The following PARVG variants were observed in gnomAD, a reference collection of about 807,000 sequenced individuals.
The protein encoded by PARVG is parvin gamma.
Under a neutral mutation model 44.4 loss-of-function variants are expected in PARVG, and 36 were observed. The observed-to-expected ratio is 0.81, with a 90% confidence interval of 0.62 to 1.07. PARVG has a LOEUF of 1.07. Among genes scored for constraint, PARVG ranks in the 50% least tolerant of loss-of-function variants. PARVG has a pLI of 0.00. For missense variants in PARVG, 407 were observed against 407.4 expected (o/e 1.00, Z 0.01); for synonymous variants, 170 against 174.1 (o/e 0.98, Z 0.19).
At position 44,183,389 on chromosome 22, in the gene PARVG, G is replaced by A. The variant is rs1018615412; in HGVS notation, c.60G>A (p.Ala20=). 27 of 1,605,998 alleles carry A rather than the reference G, an allele frequency of 1.7e-5. No homozygotes were observed. The highest frequency in any genetic ancestry group is 2.2e-5 in the East Asian group (1 of 44,602). The change falls in exon 3 of 14, where the codon GCG becomes GCA. Residue 20 remains alanine, a synonymous_variant. Transcript: ENST00000444313. ...TCCCCAAGGGGGTGGAGCCCCCAGC[G>A]GAGGAGGAGCTCTCAAAAGGTGTGT... The part of the protein sequence containing the change: ...LQLPKGVEPP[A]EEELSKGGKK...
Position 44,207,107 on chromosome 22 carries a change from C to T in PARVG, c.*681C>T, listed in dbSNP as rs1036943893. 6.6e-6 allele frequency: 1 copy of T among 151,574 alleles called. No homozygotes were observed. Among genetic ancestry groups the T allele is most frequent in the Admixed American group, 6.6e-5 (1 of 15,136 alleles). 9.4% of individuals were successfully genotyped at this position (151,574 alleles called of 1,614,324 possible). A position where few individuals can be genotyped will look rare whatever the true frequency, so the allele number is the denominator to read the frequency against. The stretch of plus-strand genomic sequence containing the variant: ...CTCGGGAGCTGTGGGTTCCCACTCG[C>T]TCCAGTGAGACTTGGCATTTTCTGC... On this transcript the variant is annotated 3_prime_UTR_variant, in exon 14 of 14. Coordinates refer to ENST00000444313, the MANE Select transcript of PARVG (RefSeq NM_022141.7).
intron 9 of PARVG, 164 bp from the exon 10 acceptor site, chr22:44,195,991 G>T: frequency 1.4e-6 from 1 of 696,646 alleles, no homozygotes; most frequent in South Asian, 1.8e-5. Flanking sequence ...GGCCAGGAGA[G>T]CAGTGACTCA....
chr22:44,186,609 G>C (rs774698484), intron 4 of PARVG: 1 of 471,178 alleles, frequency 2.1e-6, no homozygotes, highest in South Asian at 1.5e-5. Context: ...CTGGCACTGG[G>C]GACACCATCT....
In PARVG at chr22:44,204,965, C is replaced by T. The variant is rs892448025; in HGVS notation, c.814-792C>T. Among the ~76,000 whole-genome samples the T allele has an allele frequency of 3.4e-4, 52 of 152,316 alleles. 1 individual carries two copies. Among genetic ancestry groups the T allele is most frequent in the African/African-American group, 6.0e-4 (25 of 41,558 alleles). ...GAGGGCCGGCAGGCTCCTGGGCTCTCACCATATCCTGTAGCAAGGCACAGG... is the reference window on the plus strand; with the variant it reads ...GAGGGCCGGCAGGCTCCTGGGCTCTTACCATATCCTGTAGCAAGGCACAGG... On this transcript the variant is annotated intron_variant, in intron 12 of 13. Coordinates refer to ENST00000444313, the MANE Select transcript of PARVG (RefSeq NM_022141.7).
chr22:44,202,062 T>C (rs1017064135), intron 12 of PARVG, among the ~76,000 whole-genome samples: 2 of 152,232 alleles, frequency 1.3e-5, no homozygotes, highest in Non-Finnish European at 2.9e-5. Flanking sequence ...TGGACGAATG[T>C]GCTAGCAAAT....
At chr22:44,195,949 A>C in intron 9 of PARVG, 1 of 584,888 alleles carries the variant, frequency 1.7e-6, no homozygotes, top group Non-Finnish European at 3.0e-6. Context: ...AGGGAGGCAC[A>C]GAGAGAGACG....
Position 44,196,391 on chromosome 22 carries a change from G to C in PARVG, c.687G>C (p.Leu229=). 1 of 1,614,230 alleles carries C rather than the reference G, an allele frequency of 6.2e-7. No individual in the cohort carries two copies. Among genetic ancestry groups the C allele is most frequent in the Non-Finnish European group, 8.5e-7 (1 of 1,180,048 alleles). The change falls in exon 11 of 14, where the codon CTG becomes CTC. Residue 229 remains leucine, a synonymous_variant. Coordinates refer to ENST00000444313, the MANE Select transcript of PARVG (RefSeq NM_022141.7). The part of the protein sequence containing the change: ...FVNQKLDRLG[L]SVQNLDTQFA... Reference sequence around the variant, plus strand: ...ACCAGAAGCTGGACCGCCTGGGCCTGTCTGTGCAGAATCTGGACACCCAGG... The same window carrying C: ...ACCAGAAGCTGGACCGCCTGGGCCTCTCTGTGCAGAATCTGGACACCCAGG...
intron 12 of PARVG, among the ~76,000 whole-genome samples, chr22:44,199,680 G>C (rs1217205812): frequency 6.6e-6 from 1 of 152,234 alleles, no homozygotes; most frequent in African/African-American, 2.4e-5. Context: ...ATCTCAAGGA[G>C]TCAGGAAGGG....
chr22:44,173,183 C>T (rs1398363972), exon 1 of PARVG: 1 of 1,262,796 alleles, frequency 7.9e-7, no homozygotes, highest in Admixed American at 2.5e-5. Context: ...AGCAGAGTCA[C>T]AGCTGCAGGT....
At chr22:44,205,720 G>A in intron 12 of PARVG, 37 bp from the exon 13 acceptor site, 1 of 1,611,984 alleles carries the variant, frequency 6.2e-7, no homozygotes, top group Non-Finnish European at 8.5e-7. Flanking sequence ...TGGGGCTGCT[G>A]CTTGTGCCCA....
chr22:44,206,207 C>A, intron 13 of PARVG, 110 bp from the exon 14 acceptor site: 1 of 805,162 alleles, frequency 1.2e-6, no homozygotes, highest in Admixed American at 2.4e-5. Flanking sequence ...CAGGGATTCT[C>A]CTGGGATTAG....
rs971242260 is a variant in PARVG at position 44,182,059 on chromosome 22, G to A, written c.-13+142G>A. ...GGGAGTCGGTAAAGTGGGACCTTGA[G>A]TCCCCACGGCCCCTCCGGCTGCCCC... is the stretch of plus-strand genomic sequence containing the variant. On this transcript the variant is annotated intron_variant, in intron 2 of 13. Transcript: ENST00000444313. The surrounding 1 kb of genome is among the most constrained non-coding windows in gnomAD (Gnocchi z 4.6). 2.5e-5 allele frequency: 16 copies of A among 652,578 alleles called. No individual in the cohort carries two copies. In the African/African-American group the frequency reaches 3.0e-4, roughly 12 times the overall value. 40.4% of individuals were successfully genotyped at this position (652,578 alleles called of 1,614,324 possible). A position where few individuals can be genotyped will look rare whatever the true frequency, so the allele number is the denominator to read the frequency against.
intron 12 of PARVG, among the ~76,000 whole-genome samples, chr22:44,202,379 C>T (rs1025478163): frequency 6.6e-6 from 1 of 152,212 alleles, no homozygotes; most frequent in Non-Finnish European, 1.5e-5. Flanking sequence ...GGGCCTGGGG[C>T]TCGGAACCCA....
chr22:44,198,921 TCTACCCATCCATCCATCCAC>T (rs2054657852), intron 12 of PARVG, among the ~76,000 whole-genome samples, 199 bp downstream of exon 12: 1 of 33,808 alleles, frequency 3.0e-5, no homozygotes, highest in Non-Finnish European at 7.7e-5. Flanking sequence ...CATCCATCCA[TCTACCCATCCATCCATCCAC>T]CCACCCATCC....
At chr22:44,183,881 G>A (rs1031820352) in intron 3 of PARVG, 4 of 362,918 alleles carry the variant, frequency 1.1e-5, no homozygotes, top group South Asian at 1.4e-4. Context: ...ACCACGCAGC[G>A]ATGCCCACCA....
chr22:44,186,527 T>G (rs1244085084), intron 4 of PARVG: 1 of 470,450 alleles, frequency 2.1e-6, no homozygotes, highest in African/African-American at 2.0e-5. Flanking sequence ...TTTCCCATCC[T>G]CCTTCCTATT....
intron 4 of PARVG, chr22:44,186,091 T>C (rs1038760969): frequency 2.5e-6 from 1 of 398,098 alleles, no homozygotes; most frequent in East Asian, 5.4e-5. Flanking sequence ...TGCCTTCACA[T>C]ACACCATCCC....
At position 44,206,825 on chromosome 22, in the gene PARVG, C is replaced by G; in HGVS notation, c.*399C>G. On this transcript the variant is annotated 3_prime_UTR_variant, in exon 14 of 14. Transcript: ENST00000444313. ...CTCTCAGGGACAGGGCCCACAGCCC[C>G]AGACCCCACCTTTTCCAGCCCAGCT... The G allele has an allele frequency of 9.4e-6, 2 of 213,322 alleles. No homozygotes were observed. The highest frequency in any genetic ancestry group is 1.3e-4 in the South Asian group (2 of 14,998). The allele number at this position is 213,322 out of a possible 1,614,324, so 13.2% of individuals were successfully genotyped here.
At chr22:44,204,402 A>G (rs1411751850) in intron 12 of PARVG, among the ~76,000 whole-genome samples, 1 of 152,240 alleles carries the variant, frequency 6.6e-6, no homozygotes, top group Non-Finnish European at 1.5e-5. Context: ...CAGGTGTATC[A>G]TCCCCGTGAC....
Sources: allele counts gnomAD v4.1 joint callset (sites outside exome capture counted in the v4.1 genomes callset), GRCh38; gene constraint gnomAD v4.1.1; non-coding constraint Gnocchi (gnomAD v3.1); transcripts MANE v1.5; gene names NCBI Gene and HGNC (gene_info 2026-07-23, HGNC 2026-07-21).